CHRNA7: variants seen among roughly 807,000 people sequenced by gnomAD.
CHRNA7 encodes the protein neuronal acetylcholine receptor subunit alpha-7.
A neutral mutation model predicts 48.0 loss-of-function variants in CHRNA7; 17 were observed. The observed-to-expected ratio is 0.35, with a 90% CI of 0.24 to 0.53. The LOEUF (loss-of-function observed/expected upper bound fraction) is 0.53. Among genes scored for constraint, CHRNA7 ranks in the 20% least tolerant of loss-of-function variants. CHRNA7 has a pLI of 0.92. For missense variants in CHRNA7, 155 were observed against 577.7 expected (o/e 0.27, Z 7.50); for synonymous variants, 75 against 242.3 (o/e 0.31, Z 6.41).
chr15:32,140,841 AT>A (rs2051365381), intron 4 of CHRNA7, among the ~76,000 whole-genome samples: 1 of 152,298 alleles, frequency 6.6e-6, no homozygotes, highest in Admixed American at 6.5e-5. Context: ...AGATGGGTAG[AT>A]TGCAAAAATT....
Position 32,074,641 on chromosome 15 carries a change from T to C in CHRNA7, c.196-26662T>C, listed in dbSNP as rs988429674. Among the ~76,000 whole-genome samples, 44 of 5,976 alleles carry C rather than the reference T, an allele frequency of 7.4e-3. No individual in the cohort carries two copies. The Non-Finnish European group carries it at 0.12, about 16-fold the overall frequency. 3.9% of individuals were successfully genotyped at this position (5,976 alleles called of 152,430 possible). ...TTGATATGAATCACATTATTAATAT[T>C]ATTATTATTATTATTATTATTATTA... On this transcript the variant is annotated intron_variant, in intron 2 of 9. Transcript: ENST00000306901.
At chr15:32,071,487 C>T (rs914667036) in intron 2 of CHRNA7, among the ~76,000 whole-genome samples, 26 of 152,302 alleles carry the variant, frequency 1.7e-4, no homozygotes, top group Non-Finnish European at 2.2e-4. Context: ...GTTAGATTTA[C>T]ACCTAAGCCA....
intron 2 of CHRNA7, among the ~76,000 whole-genome samples, chr15:32,069,090 A>T (rs2050013071): frequency 6.6e-6 from 1 of 152,234 alleles, no homozygotes. Flanking sequence ...GACTGACATT[A>T]GACTTAATAA....
intron 3 of CHRNA7, among the ~76,000 whole-genome samples, chr15:32,105,439 G>A (rs953754762): frequency 6.6e-5 from 10 of 150,974 alleles, no homozygotes; most frequent in East Asian, 1.9e-4. Flanking sequence ...GAAAAGAGGC[G>A]GAGGAGAAGG....
intron 2 of CHRNA7, among the ~76,000 whole-genome samples, chr15:32,036,700 T>TCAGAAG (rs1902105639): frequency 6.6e-6 from 1 of 152,140 alleles, no homozygotes; most frequent in Non-Finnish European, 1.5e-5. Flanking sequence ...GAGCATTTTT[T>TCAGAAG]CAGAAGCTTA....
At chr15:32,165,369 GTATT>G (rs1325480560) in intron 9 of CHRNA7, among the ~76,000 whole-genome samples, 2 of 124,568 alleles carry the variant, frequency 1.6e-5, no homozygotes, top group East Asian at 2.1e-4. Context: ...TTTCCTTCTA[GTATT>G]TATTTATGCA....
chr15:32,131,736 A>G (rs2051160452), intron 4 of CHRNA7, among the ~76,000 whole-genome samples: 1 of 152,146 alleles, frequency 6.6e-6, no homozygotes, highest in Non-Finnish European at 1.5e-5. Context: ...ATTACAGGTG[A>G]TTTTTAAAAT....
intron 4 of CHRNA7, among the ~76,000 whole-genome samples, chr15:32,129,747 T>G (rs2141314790): frequency 6.6e-6 from 1 of 152,050 alleles, no homozygotes; most frequent in East Asian, 1.9e-4. Flanking sequence ...ATTTATTATT[T>G]ACTTCCTTCT....
At chr15:32,048,305 T>C (rs548240650) in intron 2 of CHRNA7, among the ~76,000 whole-genome samples, 1 of 152,178 alleles carries the variant, frequency 6.6e-6, no homozygotes, top group East Asian at 1.9e-4. Context: ...GGTCCTGGAC[T>C]CTTTCTGGTT....
intron 2 of CHRNA7, among the ~76,000 whole-genome samples, chr15:32,057,234 C>CT (rs2049802199): frequency 6.6e-6 from 1 of 152,168 alleles, no homozygotes; most frequent in Non-Finnish European, 1.5e-5. Flanking sequence ...AGCCAGTGGC[C>CT]TTCTGCTTAT....
intron 3 of CHRNA7, among the ~76,000 whole-genome samples, chr15:32,106,390 A>G (rs1352640687): frequency 1.3e-5 from 2 of 152,242 alleles, no homozygotes; most frequent in African/African-American, 2.4e-5. Flanking sequence ...GGTAAAAAAA[A>G]GAAAAAAACT....
intron 2 of CHRNA7, among the ~76,000 whole-genome samples, chr15:32,058,303 C>A (rs2049820835): frequency 6.6e-6 from 1 of 152,322 alleles, no homozygotes. Context: ...AACCATCAGT[C>A]ATGCATTAAA....
chr15:32,132,272 T>G (rs1336988172), intron 4 of CHRNA7, among the ~76,000 whole-genome samples: 1 of 152,102 alleles, frequency 6.6e-6, no homozygotes, highest in Non-Finnish European at 1.5e-5. Context: ...CTGTTGGGGT[T>G]TTTTTGGTGC....
intron 2 of CHRNA7, among the ~76,000 whole-genome samples, chr15:32,071,642 A>C (rs538979351): frequency 2.0e-5 from 3 of 152,198 alleles, no homozygotes; most frequent in South Asian, 2.1e-4. Context: ...GAGTTTATAC[A>C]AGAGCTGGTT....
At chr15:32,072,978 C>G (rs1272091068) in intron 2 of CHRNA7, among the ~76,000 whole-genome samples, 1 of 152,150 alleles carries the variant, frequency 6.6e-6, no homozygotes, top group South Asian at 2.1e-4. Context: ...CACATGGAGT[C>G]CCCACCAGGT....
At chr15:32,050,718 C>T (rs893280278) in intron 2 of CHRNA7, among the ~76,000 whole-genome samples, 4 of 152,100 alleles carry the variant, frequency 2.6e-5, no homozygotes, top group East Asian at 1.9e-4. Context: ...GGAGGAGAGT[C>T]ACTCTGCTTT....
chr15:32,114,656 A>G (rs1210877055), intron 4 of CHRNA7, among the ~76,000 whole-genome samples: 6 of 152,390 alleles, frequency 3.9e-5, no homozygotes, highest in African/African-American at 1.4e-4. Flanking sequence ...CCGCAGGTCC[A>G]CATGAACCCA....
In CHRNA7 at chr15:32,044,905, C is replaced by T. The variant is rs541687983; in HGVS notation, c.195+13868C>T. ...AAGACTAATTTATTCCATATGCCTC[C>T]TATTCTTTGCGGCAATTCCCATTAC... On this transcript the variant is annotated intron_variant, in intron 2 of 9. Coordinates refer to ENST00000306901, the MANE Select transcript of CHRNA7 (RefSeq NM_000746.6). Among the ~76,000 whole-genome samples, 4 of 152,330 alleles carry T rather than the reference C, an allele frequency of 2.6e-5. No individual in the cohort carries two copies. The South Asian group carries it at 8.3e-4, about 32-fold the overall frequency.
At chr15:32,145,659 C>G (rs913817801) in intron 4 of CHRNA7, among the ~76,000 whole-genome samples, 1 of 152,198 alleles carries the variant, frequency 6.6e-6, no homozygotes, top group Non-Finnish European at 1.5e-5. Context: ...AGGCTGTAGC[C>G]TCACAGATCG....
Sources: allele counts gnomAD v4.1 joint callset (sites outside exome capture counted in the v4.1 genomes callset), GRCh38; gene constraint gnomAD v4.1.1; transcripts MANE v1.5; gene names NCBI Gene and HGNC (gene_info 2026-07-23, HGNC 2026-07-21).